NRXN3: variants seen among roughly 807,000 people sequenced by gnomAD.
NRXN3 encodes neurexin 3.
A neutral mutation model predicts 137.6 loss-of-function variants in NRXN3; 32 were observed. That is an observed-to-expected ratio of 0.23 (90% confidence interval 0.18 to 0.31). The LOEUF is 0.31. Among genes scored for constraint, NRXN3 ranks in the 10% least tolerant of loss-of-function variants. The probability of loss-of-function intolerance (pLI) is 1.00; values close to 1 mark genes in which losing one functional copy is unlikely to be tolerated. For missense variants in NRXN3, 1,574 were observed against 2,062.5 expected, an observed-to-expected ratio of 0.76 and a Z score of 4.59; for synonymous variants, 798 against 784.5, an observed-to-expected ratio of 1.02 and a Z score of -0.29.
chr14:78,477,169 T>A (rs2095394495), intron 4 of NRXN3, among the ~76,000 whole-genome samples: 1 of 152,216 alleles, frequency 6.6e-6, no homozygotes, highest in African/African-American at 2.4e-5. Context: ...ATTGTCTTTT[T>A]CTTTTTTCCA....
chr14:78,892,782 G>C (rs1028317345), intron 10 of NRXN3, among the ~76,000 whole-genome samples: 1 of 144,428 alleles, frequency 6.9e-6, no homozygotes, highest in East Asian at 2.0e-4. Context: ...TTCTGTGTGT[G>C]TGTGTGTGTG....
intron 15 of NRXN3, among the ~76,000 whole-genome samples, chr14:79,163,512 T>A (rs2060998278): frequency 6.6e-6 from 1 of 151,964 alleles, no homozygotes; most frequent in South Asian, 2.1e-4. Flanking sequence ...AGATGCAAAT[T>A]ACTAAATTCC....
intron 4 of NRXN3, among the ~76,000 whole-genome samples, chr14:78,380,921 A>G (rs571719602): frequency 2.5e-4 from 38 of 152,284 alleles, no homozygotes; most frequent in African/African-American, 8.7e-4. Flanking sequence ...CTTATTATAT[A>G]GATACAGTAA....
chr14:78,721,068 C>T (rs2098457589), intron 8 of NRXN3, among the ~76,000 whole-genome samples: 1 of 152,118 alleles, frequency 6.6e-6, no homozygotes, highest in Non-Finnish European at 1.5e-5. Context: ...CTACCAGTGT[C>T]AATGATTCAG....
At chr14:79,462,373 C>CA (rs903203801) in intron 15 of NRXN3, among the ~76,000 whole-genome samples, 11 of 149,964 alleles carry the variant, frequency 7.3e-5, no homozygotes, top group African/African-American at 2.5e-4. Context: ...AACTCCATCT[C>CA]AAAAAAAATA....
chr14:78,238,494 C>A (rs937266789), intron 1 of NRXN3, among the ~76,000 whole-genome samples: 1 of 152,162 alleles, frequency 6.6e-6, no homozygotes, highest in Non-Finnish European at 1.5e-5. Flanking sequence ...ACCAGAGGGG[C>A]AAAGAAGGCT....
intron 10 of NRXN3, among the ~76,000 whole-genome samples, chr14:78,892,812 G>GTGTGTGTGTGTGTGTGTGTGTGTGT (rs2094957488): frequency 6.7e-6 from 1 of 148,962 alleles, no homozygotes; most frequent in Non-Finnish European, 1.5e-5. Context: ...GTGTGTGTGT[G>GTGTGTGTGTGTGTGTGTGTGTGTGT]GTGTTTGCTA....
Position 78,487,234 on chromosome 14 carries a change from T to TTAAATCAGTTCTAATTCCACCC in NRXN3, c.758-157884_758-157863dup, listed in dbSNP as rs377343860. Among the ~76,000 whole-genome samples the TTAAATCAGTTCTAATTCCACCC allele has an allele frequency of 3.9e-3, 595 of 152,260 alleles. 2 individuals carry two copies. The highest frequency in any genetic ancestry group is 0.013 in the African/African-American group (538 of 41,534). ...CTGGTTGATATTTTTGGAGAATAAT[T>TTAAATCAGTTCTAATTCCACCC]TAAATCAGTTCTAATTCCACCCTGA... On this transcript the variant is annotated intron_variant, in intron 4 of 20. Coordinates refer to ENST00000335750, the MANE Select transcript of NRXN3 (RefSeq NM_001330195.2).
chr14:78,240,662 C>T (rs139562937), intron 1 of NRXN3, among the ~76,000 whole-genome samples: 4 of 152,308 alleles, frequency 2.6e-5, no homozygotes, highest in South Asian at 2.1e-4. Context: ...CCTTCCTTAT[C>T]GGAGTCTATG....
chr14:78,184,135 C>G (rs939485961), intron 1 of NRXN3, among the ~76,000 whole-genome samples: 1 of 152,184 alleles, frequency 6.6e-6, no homozygotes, highest in Non-Finnish European at 1.5e-5. Context: ...CCAGAGATAA[C>G]CAATGGGAGA....
At chr14:78,528,101 A>G (rs775600363) in intron 4 of NRXN3, among the ~76,000 whole-genome samples, 1 of 152,228 alleles carries the variant, frequency 6.6e-6, no homozygotes, top group Non-Finnish European at 1.5e-5. Context: ...AAGTATTCCC[A>G]GTTACAGATT....
chr14:78,973,456 T>A (rs1369843646), intron 14 of NRXN3, among the ~76,000 whole-genome samples: 2 of 152,192 alleles, frequency 1.3e-5, no homozygotes, highest in African/African-American at 2.4e-5. Context: ...TTCTGGGCAT[T>A]TGGGAGACAC....
At chr14:78,555,123 C>T (rs73324482) in intron 4 of NRXN3, among the ~76,000 whole-genome samples, 11,140 of 152,042 alleles carry the variant, frequency 0.073, 618 homozygotes, top group African/African-American at 0.15. Context: ...CATTCACTAA[C>T]GGATGGTTGT....
intron 16 of NRXN3, among the ~76,000 whole-genome samples, chr14:79,512,509 C>A (rs564612021): frequency 9.2e-5 from 14 of 152,284 alleles, no homozygotes; most frequent in East Asian, 7.7e-4. Flanking sequence ...ATAATAGTTT[C>A]AGTGACAGAT....
At chr14:78,834,801 G>T (rs1237178994) in intron 10 of NRXN3, among the ~76,000 whole-genome samples, 1 of 152,136 alleles carries the variant, frequency 6.6e-6, no homozygotes, top group Non-Finnish European at 1.5e-5. Context: ...GCTTTGGAAG[G>T]TTAAGGAGCA....
At chr14:78,388,334 G>C (rs1191692458) in intron 4 of NRXN3, among the ~76,000 whole-genome samples, 1 of 152,170 alleles carries the variant, frequency 6.6e-6, no homozygotes, top group Non-Finnish European at 1.5e-5. Flanking sequence ...ACTGTAGTGA[G>C]CCATTGTCTT....
rs368172365 is a variant in NRXN3, at chr14:78,355,406, TTTTTTG to T, written c.757+57563_757+57568del. On this transcript the variant is annotated intron_variant, in intron 4 of 20. Coordinates refer to ENST00000335750, the MANE Select transcript of NRXN3 (RefSeq NM_001330195.2). ...ACCCATTTCTTTCAGTCATAGAGTC[TTTTTTG>T]TTTTTGTTTTTGTTTTCTCCTGAGA... Among the ~76,000 whole-genome samples the T allele has an allele frequency of 4.5e-3, 681 of 152,046 alleles. 7 individuals are homozygous for T. The highest frequency in any genetic ancestry group is 0.016 in the African/African-American group (644 of 41,460).
At chr14:78,928,838 A>C (rs1455120453) in intron 10 of NRXN3, among the ~76,000 whole-genome samples, 1 of 152,114 alleles carries the variant, frequency 6.6e-6, no homozygotes, top group African/African-American at 2.4e-5. Context: ...TGCTGGGTCA[A>C]ATGGTATTTT....
chr14:79,338,477 G>A (rs1359816154), intron 15 of NRXN3, among the ~76,000 whole-genome samples: 1 of 152,100 alleles, frequency 6.6e-6, no homozygotes, highest in Non-Finnish European at 1.5e-5. Flanking sequence ...TGTATCGAGA[G>A]CTCAGGCTTT....
Sources: allele counts gnomAD v4.1 joint callset (sites outside exome capture counted in the v4.1 genomes callset), GRCh38; gene constraint gnomAD v4.1.1; transcripts MANE v1.5; gene names NCBI Gene and HGNC (gene_info 2026-07-23, HGNC 2026-07-21).